CATSPERE: variants seen among roughly 807,000 people sequenced by gnomAD.
CATSPERE encodes catsper channel auxiliary subunit epsilon.
Under a neutral mutation model 114.1 loss-of-function variants are expected in CATSPERE, and 93 were observed. That is an observed-to-expected ratio of 0.81 (90% CI 0.69 to 0.97). The LOEUF (loss-of-function observed/expected upper bound fraction) is 0.97, where lower values mean the gene tolerates loss of function less well. CATSPERE is among the 50% of genes least tolerant of loss of function. CATSPERE has a pLI of 0.00. For synonymous variants in CATSPERE, 341 were observed against 384.1 expected, an observed-to-expected ratio of 0.89 and a Z score of 1.31; for missense variants, 1,058 against 1,131.6, an observed-to-expected ratio of 0.93 and a Z score of 0.93.
At chr1:244,606,182 C>G (rs1669975705) in intron 18 of CATSPERE, among the ~76,000 whole-genome samples, 1 of 152,154 alleles carries the variant, frequency 6.6e-6, no homozygotes, top group South Asian at 2.1e-4. Flanking sequence ...ATCATTTGAC[C>G]CTGCTGACTT....
At chr1:244,512,070 G>A (rs1228074077) in intron 7 of CATSPERE, among the ~76,000 whole-genome samples, 1 of 152,122 alleles carries the variant, frequency 6.6e-6, no homozygotes, top group Non-Finnish European at 1.5e-5. Flanking sequence ...CCTGTACCTG[G>A]ATATCTATAT....
At chr1:244,611,434 A>T (rs1300065224) in intron 19 of CATSPERE, among the ~76,000 whole-genome samples, 5 of 147,032 alleles carry the variant, frequency 3.4e-5, no homozygotes, top group Admixed American at 1.4e-4. Context: ...TACAAAAATT[A>T]AAAAAAAAAA....
intron 7 of CATSPERE, chr1:244,515,464 C>T: frequency 4.1e-6 from 1 of 243,106 alleles, no homozygotes; most frequent in Middle Eastern, 2.0e-3. Context: ...GATTAATAAT[C>T]TAATTAGATC....
chr1:244,618,951 G>A (rs1164030517), intron 20 of CATSPERE, among the ~76,000 whole-genome samples: 1 of 152,270 alleles, frequency 6.6e-6, no homozygotes, highest in East Asian at 1.9e-4. Context: ...AGTAAAGAAG[G>A]AAACGATATA....
rs551209351 is a variant in CATSPERE at position 244,524,628 on chromosome 1, A to C, written c.536+5930A>C. Among the ~76,000 whole-genome samples the C allele has an allele frequency of 2.1e-4, 32 of 152,070 alleles. No homozygotes were observed. In the East Asian group the frequency reaches 5.4e-3, roughly 26 times the overall value. On this transcript the variant is annotated intron_variant, in intron 8 of 21. Coordinates refer to ENST00000366534, the MANE Select transcript of CATSPERE (RefSeq NM_001130957.2). Reference sequence around the variant, plus strand: ...AATATCCAGAATCTACAATGAACTCAAACAAATTTACAAGAAAAAAACAAA... The same window carrying C: ...AATATCCAGAATCTACAATGAACTCCAACAAATTTACAAGAAAAAAACAAA...
At chr1:244,602,127 G>C (rs891733476) in intron 17 of CATSPERE, among the ~76,000 whole-genome samples, 1 of 152,108 alleles carries the variant, frequency 6.6e-6, no homozygotes, top group Non-Finnish European at 1.5e-5. Context: ...AGCACTATTT[G>C]GGATTTTTGT....
At chr1:244,532,071 A>G (rs1358674178) in intron 8 of CATSPERE, among the ~76,000 whole-genome samples, 1 of 152,180 alleles carries the variant, frequency 6.6e-6, no homozygotes, top group Non-Finnish European at 1.5e-5. Context: ...GTATGTGTCT[A>G]GGAATGTATC....
At chr1:244,576,671 G>A (rs1160055198) in intron 11 of CATSPERE, among the ~76,000 whole-genome samples, 1 of 151,788 alleles carries the variant, frequency 6.6e-6, no homozygotes, top group East Asian at 1.9e-4. Flanking sequence ...ATCATAATGT[G>A]AGCATTTTAC....
intron 5 of CATSPERE, among the ~76,000 whole-genome samples, chr1:244,485,378 C>T (rs1670832137): frequency 6.6e-6 from 1 of 151,878 alleles, no homozygotes; most frequent in South Asian, 2.1e-4. Flanking sequence ...GATGGGGTTT[C>T]ATCATGTTGG....
chr1:244,561,281 T>C (rs919816436), intron 10 of CATSPERE, 136 bp downstream of exon 10: 1 of 653,008 alleles, frequency 1.5e-6, no homozygotes, highest in Non-Finnish European at 2.7e-6. Context: ...CACCTACAAA[T>C]GAATTGACTT....
intron 20 of CATSPERE, among the ~76,000 whole-genome samples, chr1:244,622,531 G>A (rs147452591): frequency 0.011 from 1,596 of 151,708 alleles, 37 homozygotes; most frequent in African/African-American, 0.036. Flanking sequence ...AGCCTCCCGT[G>A]TAGCTGGGAT....
intron 21 of CATSPERE, among the ~76,000 whole-genome samples, chr1:244,638,065 C>T (rs1279157794): frequency 2.6e-5 from 4 of 152,220 alleles, no homozygotes; most frequent in African/African-American, 7.2e-5. Context: ...TTCCTTCTCT[C>T]TTCTGTATAT....
chr1:244,516,191 A>AAATAAT lies in CATSPERE; in HGVS notation c.430-2377_430-2372dup, dbSNP rs146704402. Reference sequence around the variant, plus strand: ...GGGTGACACAGTAAGACCTTGTCTCAAATAATAATAATAATAATAATAATA... The same window carrying AAATAAT: ...GGGTGACACAGTAAGACCTTGTCTCAAATAATAATAATAATAATAATAATAATAATA... On this transcript the variant is annotated intron_variant, in intron 7 of 21. Transcript: ENST00000366534. 5.3e-3 allele frequency among the ~76,000 whole-genome samples: 789 copies of AAATAAT among 150,240 alleles called. 9 individuals carry two copies. The highest frequency in any genetic ancestry group is 0.016 in the African/African-American group (675 of 40,928).
At chr1:244,464,960 T>TG (rs970479317) in intron 2 of CATSPERE, among the ~76,000 whole-genome samples, 3 of 86,116 alleles carry the variant, frequency 3.5e-5, no homozygotes, top group Non-Finnish European at 6.8e-5. Context: ...GATACTTTAC[T>TG]GAAAAAAAAA....
At chr1:244,511,268 A>G (rs1675713986) in intron 7 of CATSPERE, among the ~76,000 whole-genome samples, 1 of 152,192 alleles carries the variant, frequency 6.6e-6, no homozygotes, top group Non-Finnish European at 1.5e-5. Flanking sequence ...ACCTACTATA[A>G]GAATAGCTAC....
At chr1:244,637,357 G>A (rs920013654) in intron 21 of CATSPERE, among the ~76,000 whole-genome samples, 4 of 151,894 alleles carry the variant, frequency 2.6e-5, no homozygotes, top group East Asian at 1.9e-4. Context: ...ATCAGTGTTC[G>A]CATCCAGCAT....
At chr1:244,484,051 A>G (rs1040702444) in intron 5 of CATSPERE, among the ~76,000 whole-genome samples, 4 of 152,142 alleles carry the variant, frequency 2.6e-5, no homozygotes, top group Admixed American at 6.6e-5. Context: ...TACTTATTTA[A>G]TGCATAATCT....
chr1:244,521,651 T>A (rs3003268), intron 8 of CATSPERE, among the ~76,000 whole-genome samples: 19,584 of 152,096 alleles, frequency 0.13, 2,196 homozygotes, highest in African/African-American at 0.3. Flanking sequence ...ATATGTACAT[T>A]TGAAAGGCTA....
intron 8 of CATSPERE, among the ~76,000 whole-genome samples, chr1:244,524,534 C>A (rs1475361401): frequency 1.3e-5 from 2 of 148,290 alleles, no homozygotes; most frequent in Non-Finnish European, 3.0e-5. Flanking sequence ...AAGAAACTAC[C>A]ATCAGAGCGA....
Sources: gnomAD v4.1 joint callset for allele counts (sites outside exome capture counted in the v4.1 genomes callset) on GRCh38, gnomAD v4.1.1 for gene constraint, MANE v1.5 for transcripts, NCBI Gene and HGNC (gene_info 2026-07-23, HGNC 2026-07-21) for gene names.